SLIT3: variants seen among roughly 807,000 people sequenced by gnomAD.
The protein encoded by SLIT3 is slit homolog 3 protein.
In SLIT3, 68 loss-of-function variants were observed where a neutral mutation model predicts 184.0. The ratio of observed to expected loss-of-function variants is 0.37; its 90% confidence interval spans 0.30 to 0.45. The LOEUF (loss-of-function observed/expected upper bound fraction) is 0.45, where lower values mean the gene tolerates loss of function less well. SLIT3 is among the 20% of genes least tolerant of loss of function. The probability of loss-of-function intolerance (pLI) is 1.00; values close to 1 mark genes in which losing one functional copy is unlikely to be tolerated. For synonymous variants in SLIT3, 831 were observed against 828.6 expected (o/e 1.00, Z -0.05); for missense variants, 1,707 against 2,026.0 (o/e 0.84, Z 3.02).
intron 3 of SLIT3, among the ~76,000 whole-genome samples, chr5:169,235,485 T>G (rs1765163341): frequency 1.3e-5 from 2 of 152,232 alleles, no homozygotes; most frequent in Non-Finnish European, 2.9e-5. Context: ...ATTTCCCCTA[T>G]TAACATCTTA....
intron 4 of SLIT3, among the ~76,000 whole-genome samples, chr5:169,072,204 T>C (rs1170336794): frequency 6.6e-6 from 1 of 151,832 alleles, no homozygotes; most frequent in East Asian, 1.9e-4. Context: ...CATGTAAGAG[T>C]GTTCCAGGGA....
At chr5:168,995,018 C>T (rs1467153589) in intron 4 of SLIT3, among the ~76,000 whole-genome samples, 2 of 152,122 alleles carry the variant, frequency 1.3e-5, no homozygotes, top group East Asian at 3.9e-4. Context: ...ATTATTATGC[C>T]TATTTTTCCA....
intron 4 of SLIT3, among the ~76,000 whole-genome samples, chr5:168,937,465 C>G (rs6890047): frequency 0.13 from 19,013 of 151,936 alleles, 2,594 homozygotes; most frequent in African/African-American, 0.35. Flanking sequence ...GCCTGGCCTT[C>G]GAGGGTGGCA....
intron 4 of SLIT3, among the ~76,000 whole-genome samples, chr5:168,952,571 TAAAAAA>T (rs70979115): frequency 2.7e-3 from 142 of 51,736 alleles, no homozygotes; most frequent in Middle Eastern, 9.4e-3. Flanking sequence ...CAAAGGGATT[TAAAAAA>T]AAAAAAAAAA....
intron 1 of SLIT3, among the ~76,000 whole-genome samples, chr5:169,270,692 C>T (rs1325118263): frequency 1.3e-5 from 2 of 151,974 alleles, no homozygotes; most frequent in Non-Finnish European, 2.9e-5. Flanking sequence ...AAGAAAGCGG[C>T]AGTCAAAAAA....
intron 4 of SLIT3, among the ~76,000 whole-genome samples, chr5:168,963,107 G>T (rs1763072781): frequency 6.6e-6 from 1 of 152,202 alleles, no homozygotes; most frequent in African/African-American, 2.4e-5. Flanking sequence ...GGCCTACGGG[G>T]CCAATCTGAT....
In SLIT3 at chr5:169,205,271, T is replaced by C. The variant is rs543634424; in HGVS notation, c.342-11721A>G. Among the ~76,000 whole-genome samples the C allele has an allele frequency of 1.1e-3, 165 of 152,300 alleles. 1 individual carries two copies. Among genetic ancestry groups the C allele is most frequent in the African/African-American group, 3.7e-3 (153 of 41,578 alleles). Reference sequence around the variant, plus strand: ...TCTGCCCTAGAGCTATGCAACTCCATGTAAACCACAGCCCTGGTTTCCTCC... The same window carrying C: ...TCTGCCCTAGAGCTATGCAACTCCACGTAAACCACAGCCCTGGTTTCCTCC... On this transcript the variant is annotated intron_variant, in intron 3 of 35. Coordinates refer to ENST00000519560, the MANE Select transcript of SLIT3 (RefSeq NM_003062.4).
intron 6 of SLIT3, among the ~76,000 whole-genome samples, chr5:168,829,902 G>T (rs1331040462): frequency 1.3e-5 from 2 of 152,212 alleles, no homozygotes; most frequent in Non-Finnish European, 2.9e-5. Flanking sequence ...CTTGGCTCAG[G>T]CAGGGCAAGA....
At chr5:168,841,071 T>C (rs1758230157) in intron 6 of SLIT3, among the ~76,000 whole-genome samples, 4 of 152,176 alleles carry the variant, frequency 2.6e-5, no homozygotes, top group African/African-American at 9.7e-5. Flanking sequence ...CTAGTTTGCC[T>C]CCATCAGTTC....
At chr5:168,910,414 A>T (rs1440536950) in intron 4 of SLIT3, among the ~76,000 whole-genome samples, 1 of 152,198 alleles carries the variant, frequency 6.6e-6, no homozygotes, top group Non-Finnish European at 1.5e-5. Flanking sequence ...TCGCACACAC[A>T]CACATATTTG....
chr5:169,112,856 C>T (rs1326191101), intron 4 of SLIT3, among the ~76,000 whole-genome samples: 5 of 152,194 alleles, frequency 3.3e-5, no homozygotes, highest in East Asian at 1.9e-4. Context: ...TTCTGTTGGG[C>T]GGCCCTTCTC....
At chr5:169,013,709 C>T (rs1159224672) in intron 4 of SLIT3, among the ~76,000 whole-genome samples, 1 of 152,152 alleles carries the variant, frequency 6.6e-6, no homozygotes, top group African/African-American at 2.4e-5. Context: ...CCATGCAGCT[C>T]CTCGAAAGAC....
chr5:168,826,888 G>C (rs921242820), intron 6 of SLIT3, among the ~76,000 whole-genome samples: 1 of 152,052 alleles, frequency 6.6e-6, no homozygotes, highest in African/African-American at 2.4e-5. Flanking sequence ...TTAGCCTTCT[G>C]AGTAGCTGGG....
intron 1 of SLIT3, among the ~76,000 whole-genome samples, chr5:169,261,204 G>A (rs1385934934): frequency 6.6e-6 from 1 of 152,114 alleles, no homozygotes; most frequent in African/African-American, 2.4e-5. Context: ...GTAGGGTCGG[G>A]GGAGGCATCC....
At chr5:169,151,774 G>A (rs2113370568) in intron 4 of SLIT3, among the ~76,000 whole-genome samples, 1 of 152,288 alleles carries the variant, frequency 6.6e-6, no homozygotes, top group Admixed American at 6.5e-5. Context: ...GAGTAAGTGG[G>A]CACATCCCTC....
intron 4 of SLIT3, among the ~76,000 whole-genome samples, chr5:169,126,366 G>A (rs977030899): frequency 6.6e-6 from 1 of 152,224 alleles, no homozygotes; most frequent in African/African-American, 2.4e-5. Flanking sequence ...AGAGAGAGAT[G>A]TGAGACCTCA....
At chr5:168,926,712 ACGAAGAAGAC>A (rs1562010076) in intron 4 of SLIT3, among the ~76,000 whole-genome samples, 11 of 63,732 alleles carry the variant, frequency 1.7e-4, no homozygotes, top group African/African-American at 7.6e-4. Context: ...AGACTTTTCT[ACGAAGAAGAC>A]TTGGATAGAC....
intron 12 of SLIT3, among the ~76,000 whole-genome samples, chr5:168,784,360 A>G (rs1352955953): frequency 7.9e-5 from 12 of 152,190 alleles, no homozygotes; most frequent in Non-Finnish European, 4.4e-5. Flanking sequence ...AAAGGCTGGG[A>G]CCGTTGAACA....
chr5:168,713,004 G>C (rs1762609114), intron 23 of SLIT3, among the ~76,000 whole-genome samples: 1 of 152,188 alleles, frequency 6.6e-6, no homozygotes. Context: ...CTGTATCAAG[G>C]AGGTCAGTAA....
Sources: allele counts gnomAD v4.1 joint callset (sites outside exome capture counted in the v4.1 genomes callset), GRCh38; gene constraint gnomAD v4.1.1; transcripts MANE v1.5; gene names NCBI Gene and HGNC (gene_info 2026-07-23, HGNC 2026-07-21).